Variants in TBC1D25 observed in about 807,000 individuals in gnomAD.
The protein encoded by TBC1D25 is TBC1 domain family member 25.
TBC1D25 carries 13 observed loss-of-function variants against 38.8 expected under a neutral mutation model. That is an observed-to-expected ratio of 0.34 (90% CI 0.22 to 0.53). TBC1D25 has a LOEUF of 0.53. Ranked by LOEUF, TBC1D25 falls within the 20% of genes least tolerant of loss-of-function variation. TBC1D25 has a pLI of 0.94. For missense variants in TBC1D25, 372 were observed against 600.0 expected, an observed-to-expected ratio of 0.62 and a Z score of 3.97; for synonymous variants, 225 against 255.6, an observed-to-expected ratio of 0.88 and a Z score of 1.14.
At chrX:48,550,957 C>T (rs2061927231) in intron 3 of TBC1D25, among the ~76,000 whole-genome samples, 1 of 111,734 alleles carries the variant, frequency 8.9e-6, no homozygotes. Flanking sequence ...CCGCGCCCAG[C>T]CTGTCTTAGC....
intron 3 of TBC1D25, among the ~76,000 whole-genome samples, chrX:48,554,416 C>T (rs1053365614): frequency 1.5e-4 from 16 of 107,998 alleles, no homozygotes; most frequent in African/African-American, 4.4e-4. Context: ...AAAAATTAGC[C>T]GGGCGTGGTG....
chrX:48,558,608 T>C (rs2061995282), intron 3 of TBC1D25, among the ~76,000 whole-genome samples: 1 of 112,532 alleles, frequency 8.9e-6, no homozygotes, highest in African/African-American at 3.2e-5. Flanking sequence ...TTTCTTATAT[T>C]GCTGTTGAGC....
chrX:48,561,099 T>G lies in TBC1D25; in HGVS notation c.*124T>G. ...CTAGACTTGTTGGAGCATAGAGCCC[T>G]TCCTCCCCAGGCCTAAGTATGTGGA... On this transcript the variant is annotated 3_prime_UTR_variant, in exon 6 of 6. Transcript: ENST00000376771. The G allele has an allele frequency of 1.2e-6, 1 of 826,711 alleles. No homozygotes were observed. Among genetic ancestry groups the G allele is most frequent in the Non-Finnish European group, 1.7e-6 (1 of 605,302 alleles). The allele number at this position is 826,711 out of a possible 1,213,427, so 68.1% of individuals were successfully genotyped here. A position where few individuals can be genotyped will look rare whatever the true frequency, so the allele number is the denominator to read the frequency against.
chrX:48,546,322 G>A (rs2061885118), intron 3 of TBC1D25, among the ~76,000 whole-genome samples: 1 of 108,366 alleles, frequency 9.2e-6, no homozygotes, highest in Admixed American at 1.0e-4. Context: ...GACCACCCTG[G>A]CTAACACGGT....
rs782159789 is a variant in TBC1D25 at position 48,544,968 on chromosome X, C to T, written c.333C>T (p.Ala111=). ...ACTGGGACCTCAGCACAGCCTTTGCCACTGCCTCCAAACCTTACCTGCAAT... is the reference window on the plus strand; with the variant it reads ...ACTGGGACCTCAGCACAGCCTTTGCTACTGCCTCCAAACCTTACCTGCAAT... The part of the protein sequence containing the change: ...LSDWDLSTAF[A]TASKPYLQLR... Residue 111 remains alanine, a synonymous_variant, in exon 3 of 6, where the codon GCC becomes GCT. Coordinates refer to ENST00000376771, the MANE Select transcript of TBC1D25 (RefSeq NM_002536.4). 8.3e-7 allele frequency: 1 copy of T among 1,211,964 alleles called. No homozygotes were observed. The highest frequency in any genetic ancestry group is 1.1e-6 in the Non-Finnish European group (1 of 895,575).
intron 3 of TBC1D25, among the ~76,000 whole-genome samples, chrX:48,552,917 G>T (rs2061946561): frequency 9.2e-6 from 1 of 109,289 alleles, no homozygotes; most frequent in African/African-American, 3.3e-5. Flanking sequence ...AGCCTCTTGA[G>T]TAGCTGGGGT....
intron 3 of TBC1D25, among the ~76,000 whole-genome samples, chrX:48,547,009 A>G (rs782255510): frequency 8.9e-6 from 1 of 112,167 alleles, no homozygotes; most frequent in African/African-American, 3.2e-5. Flanking sequence ...TATTGATGTC[A>G]TAATAACATA....
chrX:48,559,789 G>A lies in TBC1D25; in HGVS notation c.881G>A (p.Arg294His). Residue 294 changes from arginine (R) to histidine (H), a missense_variant, in exon 6 of 6, where the codon CGC becomes CAC. By Grantham distance (29) the Arg-to-His change is conservative. This residue lies in a region of TBC1D25 where 312 missense variants were observed against 549.3 expected (regional missense o/e 0.57). Coordinates refer to ENST00000376771, the MANE Select transcript of TBC1D25 (RefSeq NM_002536.4). The part of the protein sequence containing the change: ...IRSTVLKDVL[R>H]TDRAHPYYAG... ...AGCACGGTCCTCAAGGATGTACTGC[G>A]CACTGACCGGGCCCACCCCTACTAT... The A allele has an allele frequency of 8.3e-7, 1 of 1,211,781 alleles. No homozygotes were observed. The highest frequency in any genetic ancestry group is 1.1e-6 in the Non-Finnish European group (1 of 895,491).
intron 2 of TBC1D25, among the ~76,000 whole-genome samples, chrX:48,543,787 G>C (rs1325371028): frequency 9.3e-6 from 1 of 108,029 alleles, no homozygotes; most frequent in African/African-American, 3.4e-5. Context: ...GGGAGGCTGA[G>C]GCAGGAGAAT....
At position 48,560,775 on chromosome X, in the gene TBC1D25, C is replaced by T; in HGVS notation, c.1867C>T (p.Leu623=). The change falls in exon 6 of 6, where the codon CTG becomes TTG. Residue 623 remains leucine, a synonymous_variant. Transcript: ENST00000376771. ...RGNPFMLFLC[L]AILLEHRDHI... Reference sequence around the variant, plus strand: ...GAACCCATTCATGCTGTTCCTCTGCCTGGCCATCCTGCTGGAGCACCGCGA... The same window carrying T: ...GAACCCATTCATGCTGTTCCTCTGCTTGGCCATCCTGCTGGAGCACCGCGA... 8.3e-7 allele frequency: 1 copy of T among 1,211,594 alleles called. No homozygotes were observed. Among genetic ancestry groups the T allele is most frequent in the Admixed American group, 2.2e-5 (1 of 46,081 alleles).
At position 48,560,407 on chromosome X, in the gene TBC1D25, G is replaced by A. The variant is rs782380286; in HGVS notation, c.1499G>A (p.Arg500His). The A allele has an allele frequency of 9.1e-6, 11 of 1,211,373 alleles. No homozygotes were observed. Among genetic ancestry groups the A allele is most frequent in the Non-Finnish European group, 1.2e-5 (11 of 895,349 alleles). Residue 500 changes from arginine (R) to histidine (H), a missense_variant, in exon 6 of 6, where the codon CGT (arginine) becomes CAT (histidine). Transcript: ENST00000376771. ...TASQGPGGGG[R>H]LLRQASLDGL... Reference sequence around the variant, plus strand: ...AGTCAGGGGCCTGGTGGTGGGGGGCGTCTCCTGAGACAGGCCAGCTTGGAT... The same window carrying A: ...AGTCAGGGGCCTGGTGGTGGGGGGCATCTCCTGAGACAGGCCAGCTTGGAT...
At chrX:48,551,185 G>GA (rs1409568207) in intron 3 of TBC1D25, among the ~76,000 whole-genome samples, 2 of 111,702 alleles carry the variant, frequency 1.8e-5, no homozygotes, top group Admixed American at 1.9e-4. Context: ...AGCCCACAAT[G>GA]AAACACTTGG....
intron 3 of TBC1D25, among the ~76,000 whole-genome samples, chrX:48,552,834 G>C (rs1412064000): frequency 9.3e-6 from 1 of 107,719 alleles, no homozygotes; most frequent in Non-Finnish European, 1.9e-5. Context: ...CTGTTGCCCA[G>C]GCTGGAGTGC....
Position 48,545,006 on chromosome X carries a change from T to G in TBC1D25, c.371T>G (p.Ile124Ser). The change falls in exon 3 of 6, where the codon ATT becomes AGT. Residue 124 changes from isoleucine (I) to serine (S), a missense_variant. By Grantham distance (142) the Ile-to-Ser change is moderately radical. This residue lies in a region of TBC1D25 where 312 missense variants were observed against 549.3 expected (regional missense o/e 0.57). Transcript: ENST00000376771. ...CCTTACCTGCAATTGCGTGTAGATA[T>G]TCGGCCCTCGGAGGACAGTGAGTAC... ...SKPYLQLRVD[I>S]RPSEDSPLLE... The G allele has an allele frequency of 4.1e-6, 5 of 1,210,041 alleles. No individual in the cohort carries two copies. Among genetic ancestry groups the G allele is most frequent in the Non-Finnish European group, 5.6e-6 (5 of 894,991 alleles).
chrX:48,559,842 C>T lies in TBC1D25; in HGVS notation c.934C>T (p.Arg312Trp), dbSNP rs1556985569. ...YAGPEDGPHL[R>W]ALHDLLTTYA... Reference sequence around the variant, plus strand: ...GGGGCCTGAGGATGGCCCACATCTACGGGCGCTGCACGACCTGCTCACCAC... The same window carrying T: ...GGGGCCTGAGGATGGCCCACATCTATGGGCGCTGCACGACCTGCTCACCAC... The change falls in exon 6 of 6, where the codon CGG (arginine) becomes TGG (tryptophan). Residue 312 changes from arginine to tryptophan, a missense_variant. Coordinates refer to ENST00000376771, the MANE Select transcript of TBC1D25 (RefSeq NM_002536.4). The T allele has an allele frequency of 1.7e-6, 2 of 1,210,348 alleles. No individual in the cohort carries two copies. Among genetic ancestry groups the T allele is most frequent in the Admixed American group, 2.2e-5 (1 of 45,843 alleles).
chrX:48,542,282 C>T (rs1179769326), intron 2 of TBC1D25, among the ~76,000 whole-genome samples: 3 of 105,738 alleles, frequency 2.8e-5, no homozygotes, highest in African/African-American at 1.0e-4. Flanking sequence ...GATTCTCCTG[C>T]CTCAGCCTCC....
intron 3 of TBC1D25, among the ~76,000 whole-genome samples, chrX:48,555,919 G>A (rs2061971261): frequency 2.8e-5 from 3 of 108,788 alleles, no homozygotes; most frequent in South Asian, 8.0e-4. Context: ...CAGTATTGCT[G>A]CCAGCATATC....
Position 48,562,306 on chromosome X carries a change from G to A in TBC1D25, c.*1331G>A, listed in dbSNP as rs2062033681. On this transcript the variant is annotated 3_prime_UTR_variant, in exon 6 of 6. Transcript: ENST00000376771. ...GCTGCCAGAGATGAGGAGGCATCAG[G>A]GCAGTCATCCCTTCTGCTGTTTGCC... is the stretch of plus-strand genomic sequence containing the variant. 8.9e-6 allele frequency: 1 copy of A among 111,971 alleles called. No homozygotes were observed. Among genetic ancestry groups the A allele is most frequent in the Admixed American group, 9.5e-5 (1 of 10,507 alleles). The allele number at this position is 111,971 out of a possible 1,213,427, so 9.2% of individuals were successfully genotyped here.
At chrX:48,558,467 CAAAG>C (rs1556984992) in intron 3 of TBC1D25, among the ~76,000 whole-genome samples, 2 of 111,448 alleles carry the variant, frequency 1.8e-5, no homozygotes, top group African/African-American at 6.5e-5. Context: ...CCTGTTTCCT[CAAAG>C]AGAGTCATGG....
Sources: allele counts gnomAD v4.1 joint callset (sites outside exome capture counted in the v4.1 genomes callset), GRCh38; gene constraint gnomAD v4.1.1; regional missense constraint gnomAD v4.1.1; transcripts MANE v1.5; gene names NCBI Gene and HGNC (gene_info 2026-07-23, HGNC 2026-07-21).